The following STK33 variants were observed in gnomAD, a reference collection of about 807,000 sequenced individuals.
STK33 encodes serine/threonine kinase 33, also known as serine/threonine-protein kinase 33.
A neutral mutation model predicts 58.0 loss-of-function variants in STK33; 52 were observed. The observed-to-expected ratio is 0.90, with a 90% CI of 0.72 to 1.13. The LOEUF (loss-of-function observed/expected upper bound fraction) is 1.13. Ranked by LOEUF, STK33 falls within the 50% of genes most tolerant of loss-of-function variation. The pLI is 0.00. For missense variants in STK33, 630 were observed against 604.2 expected (o/e 1.04, Z -0.45); for synonymous variants, 215 against 200.1 (o/e 1.07, Z -0.63).
intron 6 of STK33, among the ~76,000 whole-genome samples, chr11:8,470,324 C>G (rs1171830394): frequency 2.0e-5 from 3 of 148,278 alleles, no homozygotes; most frequent in African/African-American, 5.3e-5. Context: ...TAGCTTCAAG[C>G]TTTTCTCCTA....
chr11:8,420,814 T>C (rs1045431994), intron 14 of STK33, among the ~76,000 whole-genome samples: 1 of 152,032 alleles, frequency 6.6e-6, no homozygotes, highest in Non-Finnish European at 1.5e-5. Flanking sequence ...CTGGGCAACA[T>C]AGGGATACCC....
At chr11:8,378,410 C>T in the STK33 span, among the ~76,000 whole-genome samples, 3 of 152,124 alleles carry the variant, frequency 2.0e-5, no homozygotes, top group African/African-American at 4.8e-5. Flanking sequence ...CCCATCTACT[C>T]GGGAGGCTGA....
the STK33 span, among the ~76,000 whole-genome samples, chr11:8,376,701 C>G: frequency 6.6e-6 from 1 of 152,102 alleles, no homozygotes; most frequent in Non-Finnish European, 1.5e-5. Context: ...GCCACCATGC[C>G]TGGCCAGTTT....
chr11:8,448,162 G>C (rs1249639270), intron 11 of STK33, among the ~76,000 whole-genome samples: 4 of 152,178 alleles, frequency 2.6e-5, no homozygotes, highest in African/African-American at 9.7e-5. Flanking sequence ...AACATTCCAT[G>C]CTCACGGGTA....
chr11:8,472,094 T>A (rs1213451367), intron 6 of STK33, among the ~76,000 whole-genome samples: 1 of 152,116 alleles, frequency 6.6e-6, no homozygotes, highest in Non-Finnish European at 1.5e-5. Context: ...ATCCTGCTAA[T>A]TTTTTAAAAA....
intron 9 of STK33, among the ~76,000 whole-genome samples, chr11:8,455,459 C>T (rs1243671789): frequency 6.6e-6 from 1 of 152,142 alleles, no homozygotes; most frequent in African/African-American, 2.4e-5. Context: ...CCAAACACTT[C>T]CTTTGCAAAT....
chr11:8,376,224 T>G, the STK33 span, among the ~76,000 whole-genome samples: 1 of 152,134 alleles, frequency 6.6e-6, no homozygotes, highest in Non-Finnish European at 1.5e-5. Flanking sequence ...ACCTGGGTCC[T>G]GGGCAGGAGG....
intron 14 of STK33, among the ~76,000 whole-genome samples, chr11:8,429,124 AAAG>A (rs1417505368): frequency 1.3e-5 from 2 of 152,184 alleles, no homozygotes; most frequent in Non-Finnish European, 2.9e-5. Flanking sequence ...AGTTTCTGTT[AAAG>A]AAGAACTTGT....
the STK33 span, among the ~76,000 whole-genome samples, chr11:8,382,466 G>A: frequency 6.6e-6 from 1 of 152,248 alleles, no homozygotes; most frequent in Non-Finnish European, 1.5e-5. Flanking sequence ...AGATGTTCAG[G>A]GGAGGGCGCT....
chr11:8,399,986 C>T (rs1226413464), intron 15 of STK33, among the ~76,000 whole-genome samples: 1 of 152,070 alleles, frequency 6.6e-6, no homozygotes, highest in Non-Finnish European at 1.5e-5. Flanking sequence ...AATAGCTTAC[C>T]AACCAAAAAA....
chr11:8,579,656 CA>C (rs1958428141), intron 1 of STK33, among the ~76,000 whole-genome samples: 1 of 152,018 alleles, frequency 6.6e-6, no homozygotes, highest in Middle Eastern at 3.2e-3. Context: ...GGCTGCCTAG[CA>C]TTCACATGTT....
chr11:8,407,704 G>T (rs1028044987), intron 15 of STK33, among the ~76,000 whole-genome samples: 2 of 151,966 alleles, frequency 1.3e-5, no homozygotes, highest in Admixed American at 1.3e-4. Context: ...AAAATGGATA[G>T]TGCCTCAGGA....
chr11:8,428,896 G>A (rs776568121), intron 14 of STK33, among the ~76,000 whole-genome samples: 41 of 151,960 alleles, frequency 2.7e-4, no homozygotes, highest in Admixed American at 9.2e-4. Flanking sequence ...ATAATGAAAA[G>A]TCATTCTTAA....
At chr11:8,453,421 T>C (rs918935277) in intron 10 of STK33, among the ~76,000 whole-genome samples, 1 of 152,202 alleles carries the variant, frequency 6.6e-6, no homozygotes, top group Admixed American at 6.5e-5. Flanking sequence ...GTATCTTTTC[T>C]TTACTATTGT....
intron 1 of STK33, among the ~76,000 whole-genome samples, chr11:8,507,814 G>C (rs536846779): frequency 1.2e-3 from 190 of 152,302 alleles, no homozygotes; most frequent in African/African-American, 4.3e-3. Context: ...GTGCAGTCTA[G>C]TTGAGTATTT....
intron 1 of STK33, among the ~76,000 whole-genome samples, chr11:8,508,535 G>A (rs1000411883): frequency 6.6e-6 from 1 of 152,052 alleles, no homozygotes; most frequent in African/African-American, 2.4e-5. Context: ...GCCTCCCAAA[G>A]CATTGGATTA....
chr11:8,427,006 C>T (rs141297765), intron 14 of STK33, among the ~76,000 whole-genome samples: 139 of 152,136 alleles, frequency 9.1e-4, no homozygotes, highest in African/African-American at 3.3e-3. Context: ...ATTATGTTTT[C>T]TCTTCTTTGG....
intron 1 of STK33, among the ~76,000 whole-genome samples, chr11:8,487,973 T>A (rs1032534292): frequency 4.6e-5 from 7 of 152,156 alleles, no homozygotes; most frequent in African/African-American, 1.2e-4. Flanking sequence ...GACTCCCTTA[T>A]CTCCACAATA....
At chr11:8,523,648 A>C (rs1427171172) in intron 1 of STK33, among the ~76,000 whole-genome samples, 1 of 150,798 alleles carries the variant, frequency 6.6e-6, no homozygotes, top group African/African-American at 2.4e-5. Context: ...GCAGCTGCCC[A>C]GTCCGGGAGG....
Sources: gnomAD v4.1 joint callset for allele counts (sites outside exome capture counted in the v4.1 genomes callset) on GRCh38, gnomAD v4.1.1 for gene constraint, MANE v1.5 for transcripts, NCBI Gene and HGNC (gene_info 2026-07-23, HGNC 2026-07-21) for gene names.